The following MYH11 variants were observed in gnomAD, a reference collection of about 807,000 sequenced individuals.
The protein encoded by MYH11 is myosin heavy chain 11, also known as myosin-11.
MYH11 carries 80 observed loss-of-function variants against 246.6 expected under a neutral mutation model. The ratio of observed to expected loss-of-function variants is 0.32; its 90% CI spans 0.27 to 0.39. The LOEUF (loss-of-function observed/expected upper bound fraction) is 0.39, where lower values mean the gene tolerates loss of function less well. Ranked by LOEUF, MYH11 falls within the 10% of genes least tolerant of loss-of-function variation. The probability of loss-of-function intolerance (pLI) is 1.00; values close to 1 mark genes in which losing one functional copy is unlikely to be tolerated. For synonymous variants in MYH11, 1,071 were observed against 1,015.5 expected, an observed-to-expected ratio of 1.05 and a Z score of -1.04; for missense variants, 2,158 against 2,546.8, an observed-to-expected ratio of 0.85 and a Z score of 3.29.
At chr16:15,745,046 C>T in intron 20 of MYH11, 83 bp downstream of exon 20, 1 of 1,081,520 alleles carries the variant, frequency 9.2e-7, no homozygotes, top group Non-Finnish European at 1.4e-6. Context: ...CTTGCGACCA[C>T]CTCCTGTCCC....
chr16:15,776,263 T>C (rs1454661705), intron 7 of MYH11, 87 bp from the exon 8 acceptor site: 2 of 893,630 alleles, frequency 2.2e-6, no homozygotes, highest in South Asian at 1.3e-5. Flanking sequence ...CCAATTCACA[T>C]GGGATGACTT....
At chr16:15,856,548 C>G (rs1313032214) in intron 1 of MYH11, among the ~76,000 whole-genome samples, 1 of 151,780 alleles carries the variant, frequency 6.6e-6, no homozygotes, top group Admixed American at 6.6e-5. Flanking sequence ...TTGTCTGCAC[C>G]GGACCTCTGA....
Position 15,726,959 on chromosome 16 carries a change from C to T in MYH11, c.3747G>A (p.Glu1249=). 6.2e-7 allele frequency: 1 copy of T among 1,613,592 alleles called. No individual in the cohort carries two copies. The highest frequency in any genetic ancestry group is 8.5e-7 in the Non-Finnish European group (1 of 1,180,016). ...CCAGCTTCTTCTTCTTATGTTCCAC[C>T]TCCTGCTTGGCCTGGCCCAGGACCC... The part of the protein sequence containing the change: ...ELRVLGQAKQ[E]VEHKKKKLEA... Residue 1249 remains glutamate, a synonymous_variant, in exon 28 of 41, where the codon GAG becomes GAA. Transcript: ENST00000300036.
rs755754873 is a variant in MYH11 at position 15,721,385 on chromosome 16, G to GAA, written c.4578+35_4578+36dup. 8.8e-5 allele frequency: 141 copies of GAA among 1,607,430 alleles called. No individual in the cohort carries two copies. In the East Asian group the frequency reaches 3.0e-3, roughly 34 times the overall value. ...TGAATAGCACAGAGGGTGGGCAGGC[G>GAA]AAACATGGACGAGAAAAACCACCCA... is the stretch of plus-strand genomic sequence containing the variant. On this transcript the variant is annotated intron_variant, in intron 32 of 40. Transcript: ENST00000300036.
chr16:15,806,807 A>G (rs1038881445), intron 3 of MYH11, among the ~76,000 whole-genome samples: 24 of 152,202 alleles, frequency 1.6e-4, no homozygotes, highest in Non-Finnish European at 2.6e-4. Context: ...GTAGGTGCTC[A>G]GGAAATGCTT....
intron 3 of MYH11, among the ~76,000 whole-genome samples, chr16:15,812,675 C>T (rs2043167839): frequency 6.7e-6 from 1 of 150,298 alleles, no homozygotes; most frequent in African/African-American, 2.5e-5. Flanking sequence ...GAGTTCAAGA[C>T]CAGCCTGGGC....
Position 15,763,715 on chromosome 16 carries a change from A to G in MYH11, c.1129+81T>C. On this transcript the variant is annotated intron_variant, in intron 10 of 40. Coordinates refer to ENST00000300036, the MANE Select transcript of MYH11 (RefSeq NM_002474.3). ...AAAATCCCAGATACCTTCACCTTGA[A>G]AAATAACCAGTGGTTAAATGTCACC... 4 of 1,177,544 alleles carry G rather than the reference A, an allele frequency of 3.4e-6. No homozygotes were observed. The South Asian group carries it at 4.9e-5, about 14-fold the overall frequency. 72.9% of individuals were successfully genotyped at this position (1,177,544 alleles called of 1,614,324 possible).
intron 5 of MYH11, chr16:15,782,998 C>T (rs956759211): frequency 6.1e-6 from 1 of 163,164 alleles, no homozygotes. Context: ...CTACAGCAGA[C>T]AAGTAAGGAA....
At chr16:15,812,994 C>T (rs1567193481) in intron 3 of MYH11, among the ~76,000 whole-genome samples, 1 of 152,214 alleles carries the variant, frequency 6.6e-6, no homozygotes, top group Non-Finnish European at 1.5e-5. Flanking sequence ...CGGTGAAACA[C>T]CATCTCTACT....
At chr16:15,847,588 G>C (rs1227310757) in intron 1 of MYH11, among the ~76,000 whole-genome samples, 3 of 152,150 alleles carry the variant, frequency 2.0e-5, no homozygotes, top group African/African-American at 7.2e-5. Context: ...ATGTGGATGA[G>C]TTGCCTTAAA....
chr16:15,720,781 G>A (rs978055430), intron 33 of MYH11, 58 bp downstream of exon 33: 2 of 1,532,974 alleles, frequency 1.3e-6, no homozygotes, highest in African/African-American at 1.4e-5. Flanking sequence ...TGAGAGTGGT[G>A]ATAGGAATGA....
chr16:15,783,075 G>A (rs910771895), intron 5 of MYH11: 6 of 155,562 alleles, frequency 3.9e-5, no homozygotes, highest in African/African-American at 1.4e-4. Flanking sequence ...GGTTGCCTGA[G>A]CTCCATTCAT....
rs1312174913 is a variant in MYH11, at chr16:15,750,288, C to G, written c.1908G>C (p.Glu636Asp). ...VGLDQMAKMT[E>D]SSLPSASKTK... Reference sequence around the variant, plus strand: ...TCTTGGAGGCGCTGGGCAGCGAGCTCTCCGTCATCTTGGCCATCTGGTCCA... The same window carrying G: ...TCTTGGAGGCGCTGGGCAGCGAGCTGTCCGTCATCTTGGCCATCTGGTCCA... The change falls in exon 16 of 41, where the codon GAG becomes GAC. Residue 636 changes from glutamate to aspartate, a missense_variant. Glu to Asp is a conservative substitution (Grantham distance 45, BLOSUM62 2). This residue lies in a region of MYH11 where 317 missense variants were observed against 507.7 expected (regional missense o/e 0.62). Coordinates refer to ENST00000300036, the MANE Select transcript of MYH11 (RefSeq NM_002474.3). This position sits in a 1 kb window ranked among gnomAD's most constrained non-coding sequence, Gnocchi z 4.3. 3 of 1,613,546 alleles carry G rather than the reference C, an allele frequency of 1.9e-6. No homozygotes were observed. The highest frequency in any genetic ancestry group is 1.1e-5 in the South Asian group (1 of 90,988).
chr16:15,833,412 G>GAAA (rs71392067), intron 2 of MYH11, among the ~76,000 whole-genome samples: 13,245 of 148,552 alleles, frequency 0.089, 787 homozygotes, highest in Non-Finnish European at 0.12. Context: ...AGGAAGGAAG[G>GAAA]GAGGAACGAA....
chr16:15,709,094 C>CA (rs1467946672), intron 40 of MYH11, among the ~76,000 whole-genome samples: 7 of 151,810 alleles, frequency 4.6e-5, no homozygotes, highest in African/African-American at 1.7e-4. Context: ...AGGCAGGCCC[C>CA]ACGTGCTTGG....
At chr16:15,717,942 G>A (rs755255914) in intron 37 of MYH11, 1 of 363,770 alleles carries the variant, frequency 2.7e-6, no homozygotes, top group Non-Finnish European at 5.3e-6. Context: ...ATGGTCCCTA[G>A]TGCCCACCAT....
rs74009420 is a variant in MYH11, at chr16:15,752,345, G to C, written c.1864+1049C>G. Among the ~76,000 whole-genome samples, 1,381 of 152,132 alleles carry C rather than the reference G, an allele frequency of 9.1e-3. 24 individuals carry two copies. The highest frequency in any genetic ancestry group is 0.032 in the African/African-American group (1,342 of 41,512). On this transcript the variant is annotated intron_variant, in intron 15 of 40. Transcript: ENST00000300036. ...CCCAGGCCCATGGGCCCTGTGCCAA[G>C]AATAAAACCTGCTGTGGACACTGAT...
intron 3 of MYH11, among the ~76,000 whole-genome samples, chr16:15,807,819 C>T (rs1191542832): frequency 1.3e-5 from 2 of 152,312 alleles, no homozygotes; most frequent in African/African-American, 4.8e-5. Context: ...AGGGCTTCAG[C>T]GGTTCCTCCC....
chr16:15,738,097 T>C (rs941907780), intron 24 of MYH11, among the ~76,000 whole-genome samples: 2 of 151,858 alleles, frequency 1.3e-5, no homozygotes, highest in African/African-American at 2.4e-5. Flanking sequence ...TTTTATCATA[T>C]TATTAGTGCA....
Sources: gnomAD v4.1 joint callset for allele counts (sites outside exome capture counted in the v4.1 genomes callset) on GRCh38, gnomAD v4.1.1 for gene constraint, gnomAD v4.1.1 regional missense constraint, Gnocchi (gnomAD v3.1) non-coding constraint, MANE v1.5 for transcripts, NCBI Gene and HGNC (gene_info 2026-07-23, HGNC 2026-07-21) for gene names.